POLE: variants seen among roughly 807,000 people sequenced by gnomAD.
POLE encodes the protein DNA polymerase epsilon catalytic subunit A.
In POLE, 188 loss-of-function variants were observed where a neutral mutation model predicts 279.2. The ratio of observed to expected loss-of-function variants is 0.67; its 90% CI spans 0.60 to 0.76. The LOEUF is 0.76. POLE is among the 30% of genes least tolerant of loss of function. POLE has a pLI of 0.00. For synonymous variants in POLE, 1,214 were observed against 1,172.5 expected (o/e 1.04, Z -0.72); for missense variants, 2,703 against 3,016.7 (o/e 0.90, Z 2.44).
At chr12:132,670,027 C>G (rs1031738263) in intron 16 of POLE, among the ~76,000 whole-genome samples, 1 of 151,576 alleles carries the variant, frequency 6.6e-6, no homozygotes, top group Non-Finnish European at 1.5e-5. Flanking sequence ...ATCTACCACA[C>G]CTCCAGCCTC....
Position 132,668,816 on chromosome 12 carries a change from G to A in POLE, c.1918C>T (p.Leu640=), listed in dbSNP as rs753462778. The change falls in exon 17 of 49, where the codon CTG becomes TTG. Residue 640 remains leucine (L), a synonymous_variant. Transcript: ENST00000320574. The surrounding 1 kb of genome is among the most constrained non-coding windows in gnomAD (Gnocchi z 4.0). The part of the protein sequence containing the change: ...MYPNIILTNR[L]QPSAMVDEAT... Reference sequence around the variant, plus strand: ...CACGGGAAGTAAAGTCTCACCTGCAGGCGGTTGGTCAGGATGATGTTGGGG... The same window carrying A: ...CACGGGAAGTAAAGTCTCACCTGCAAGCGGTTGGTCAGGATGATGTTGGGG... 1 of 1,614,180 alleles carries A rather than the reference G, an allele frequency of 6.2e-7. No individual in the cohort carries two copies. Among genetic ancestry groups the A allele is most frequent in the South Asian group, 1.1e-5 (1 of 91,074 alleles).
In POLE at chr12:132,681,244, T is replaced by C. The variant is rs2043161391; in HGVS notation, c.98A>G (p.Lys33Arg). 6.2e-7 allele frequency: 1 copy of C among 1,614,086 alleles called. No homozygotes were observed. The highest frequency in any genetic ancestry group is 1.1e-5 in the South Asian group (1 of 91,090). The change falls in exon 2 of 49, where the codon AAG becomes AGG. Residue 33 changes from lysine (K) to arginine (R), a missense_variant. Lys to Arg is a conservative substitution (Grantham distance 26). This residue lies in a region of POLE where 1,011 missense variants were observed against 1,111.7 expected (regional missense o/e 0.91). Coordinates refer to ENST00000320574, the MANE Select transcript of POLE (RefSeq NM_006231.4). ...CGTCCACTGACTCCGTTCCAGGCGCTTGAGTGCCGAAACTGAGGAAGTGGC... is the reference window on the plus strand; with the variant it reads ...CGTCCACTGACTCCGTTCCAGGCGCCTGAGTGCCGAAACTGAGGAAGTGGC... ...DGATSSVSAL[K>R]RLERSQWTDK...
chr12:132,649,625 T>C, intron 30 of POLE, 52 bp downstream of exon 30: 1 of 1,606,552 alleles, frequency 6.2e-7, no homozygotes, highest in Non-Finnish European at 8.5e-7. Flanking sequence ...TCGGGCTCCC[T>C]GGGCTGTGCA....
At chr12:132,654,761 C>A (rs144526101) in intron 29 of POLE, among the ~76,000 whole-genome samples, 2 of 152,288 alleles carry the variant, frequency 1.3e-5, no homozygotes, top group African/African-American at 4.8e-5. Flanking sequence ...CACTGTACTC[C>A]AGCCTGGGTG....
Position 132,661,417 on chromosome 12 carries a change from A to C in POLE, c.2864+110T>G. 1 of 1,220,130 alleles carries C rather than the reference A, an allele frequency of 8.2e-7. No individual in the cohort carries two copies. Among genetic ancestry groups the C allele is most frequent in the Non-Finnish European group, 1.2e-6 (1 of 863,284 alleles). 75.6% of individuals were successfully genotyped at this position (1,220,130 alleles called of 1,614,324 possible). A position where few individuals can be genotyped will look rare whatever the true frequency, so the allele number is the denominator to read the frequency against. On this transcript the variant is annotated intron_variant, in intron 24 of 48. Transcript: ENST00000320574. This position sits in a 1 kb window ranked among gnomAD's most constrained non-coding sequence, Gnocchi z 4.1. ...CAAACGGAATCAGTAAGATCACAAG[A>C]ACCCAGGTCTGTTTCTATCCTGGCT...
At chr12:132,649,564 T>A in intron 30 of POLE, 49 bp from the exon 31 acceptor site, 1 of 1,600,246 alleles carries the variant, frequency 6.2e-7, no homozygotes, top group Non-Finnish European at 8.5e-7. Context: ...GAGATGGGAA[T>A]GCCCGCCATG....
chr12:132,665,276 C>G, intron 21 of POLE, 26 bp downstream of exon 21: 1 of 1,607,958 alleles, frequency 6.2e-7, no homozygotes, highest in Non-Finnish European at 8.5e-7. Context: ...CTCCCATAAG[C>G]CTCTCCCGGG....
Position 132,635,483 on chromosome 12 carries a change from C to T in POLE, c.5811+409G>A, listed in dbSNP as rs556251797. Among the ~76,000 whole-genome samples, 15 of 152,318 alleles carry T rather than the reference C, an allele frequency of 9.8e-5. No individual in the cohort carries two copies. The East Asian group carries it at 2.5e-3, about 25-fold the overall frequency. ...TCCCATCCCCACGAAAGCCGAGGCC[C>T]TGCCCTGCCATGCCCAAGTTGCCTG... On this transcript the variant is annotated intron_variant, in intron 42 of 48. Transcript: ENST00000320574.
intron 5 of POLE, 116 bp from the exon 6 acceptor site, chr12:132,679,767 T>C (rs1451400069): frequency 8.0e-7 from 1 of 1,254,200 alleles, no homozygotes; most frequent in East Asian, 2.4e-5. Context: ...TCAAGGCACC[T>C]TGTCCAACTC....
chr12:132,654,388 G>C (rs1324323242), intron 29 of POLE, among the ~76,000 whole-genome samples: 1 of 151,956 alleles, frequency 6.6e-6, no homozygotes, highest in Admixed American at 6.6e-5. Flanking sequence ...CTTTTTAAGT[G>C]TCAATTTCTG....
rs370597167 is a variant in POLE, at chr12:132,626,330, C to T, written c.6331-13G>A. The T allele has an allele frequency of 4.3e-6, 7 of 1,613,020 alleles. No homozygotes were observed. The South Asian group carries it at 7.7e-5, about 18-fold the overall frequency. On this transcript the variant is annotated splice_polypyrimidine_tract_variant and intron_variant, in intron 45 of 48. Coordinates refer to ENST00000320574, the MANE Select transcript of POLE (RefSeq NM_006231.4). Reference sequence around the variant, plus strand: ...CCAGGGACAGCACCTGCAGAGACCACAGCCCACATCGGGAAGGAGCTCCCG... The same window carrying T: ...CCAGGGACAGCACCTGCAGAGACCATAGCCCACATCGGGAAGGAGCTCCCG...
intron 32 of POLE, among the ~76,000 whole-genome samples, chr12:132,647,448 T>TA (rs75347196): frequency 8.5e-4 from 121 of 143,142 alleles, no homozygotes; most frequent in Middle Eastern, 3.6e-3. Flanking sequence ...TTATCTTGCT[T>TA]AAAAAAAAAA....
At chr12:132,657,840 A>C (rs996347779) in intron 27 of POLE, 28 bp downstream of exon 27, 14 of 1,445,408 alleles carry the variant, frequency 9.7e-6, no homozygotes, top group African/African-American at 2.8e-5. Flanking sequence ...GTAAACTTTT[A>C]AGAGTAGAGA....
intron 29 of POLE, among the ~76,000 whole-genome samples, chr12:132,653,018 C>G (rs1041313121): frequency 1.3e-5 from 2 of 152,206 alleles, no homozygotes; most frequent in African/African-American, 4.8e-5. Flanking sequence ...TATTTTAATA[C>G]TGAGTCCTTT....
At chr12:132,652,517 C>T (rs2042445789) in intron 29 of POLE, among the ~76,000 whole-genome samples, 2 of 151,796 alleles carry the variant, frequency 1.3e-5, no homozygotes, top group Middle Eastern at 3.4e-3. Context: ...AGAGACGAGA[C>T]CTCCCTATGT....
intron 35 of POLE, 103 bp from the exon 36 acceptor site, chr12:132,643,099 G>T: frequency 8.8e-6 from 13 of 1,471,904 alleles, no homozygotes; most frequent in Admixed American, 2.1e-5. Context: ...ATTCAATCAC[G>T]ACAAGCACTC....
chr12:132,651,329 G>A (rs943505745), intron 29 of POLE: 9 of 152,274 alleles, frequency 5.9e-5, no homozygotes, highest in Admixed American at 3.9e-4. Context: ...AGAATGACAA[G>A]CGCCTACTTT....
rs777736640 is a variant in POLE at position 132,673,190 on chromosome 12, T to A, written c.1447A>T (p.Thr483Ser). 1 of 1,610,998 alleles carries A rather than the reference T, an allele frequency of 6.2e-7. No homozygotes were observed. Among genetic ancestry groups the A allele is most frequent in the African/African-American group, 1.3e-5 (1 of 74,838 alleles). ...YVHPFIFALC[T>S]IIPMEPDEVL... is the part of the protein sequence containing the mutation. ...TCGTCGGGCTCCATGGGAATAATGG[T>A]GCACAGAGCAAAGATGAATGGGTGG... The change falls in exon 14 of 49, where the codon ACC becomes TCC. Residue 483 changes from threonine to serine, a missense_variant. Physicochemically the swap from Thr to Ser is moderately conservative, Grantham distance 58 (BLOSUM62 1). Transcript: ENST00000320574.
In POLE at chr12:132,634,408, T is replaced by G. The variant is rs370858885; in HGVS notation, c.5812-30A>C. 1 of 1,597,674 alleles carries G rather than the reference T, an allele frequency of 6.3e-7. No homozygotes were observed. The highest frequency in any genetic ancestry group is 8.6e-7 in the Non-Finnish European group (1 of 1,168,324). On this transcript the variant is annotated intron_variant, in intron 42 of 48. Coordinates refer to ENST00000320574, the MANE Select transcript of POLE (RefSeq NM_006231.4). The surrounding 1 kb of genome is among the most constrained non-coding windows in gnomAD (Gnocchi z 4.0). ...AACACATGAGACAACGCGGCTGTGTTTGCACCATCGCGGCCTGGTAGAGGG... is the reference window on the plus strand; with the variant it reads ...AACACATGAGACAACGCGGCTGTGTGTGCACCATCGCGGCCTGGTAGAGGG...
Sources: gnomAD v4.1 joint callset for allele counts (sites outside exome capture counted in the v4.1 genomes callset) on GRCh38, gnomAD v4.1.1 for gene constraint, gnomAD v4.1.1 regional missense constraint, Gnocchi (gnomAD v3.1) non-coding constraint, MANE v1.5 for transcripts, NCBI Gene and HGNC (gene_info 2026-07-23, HGNC 2026-07-21) for gene names.